The following USP34 variants were observed in gnomAD, a reference collection of about 807,000 sequenced individuals.
USP34 encodes the protein ubiquitin specific peptidase 34.
A neutral mutation model predicts 460.3 loss-of-function variants in USP34; 70 were observed. That is an observed-to-expected ratio of 0.15 (90% CI 0.13 to 0.19). The LOEUF (loss-of-function observed/expected upper bound fraction) is 0.19. USP34 is among the 10% of genes least tolerant of loss of function. The probability of loss-of-function intolerance (pLI) is 1.00; values close to 1 mark genes in which losing one functional copy is unlikely to be tolerated. For missense variants in USP34, 3,985 were observed against 4,236.2 expected (o/e 0.94, Z 1.65); for synonymous variants, 1,647 against 1,405.3 (o/e 1.17, Z -3.85).
Position 61,293,472 on chromosome 2 carries a change from A to G in USP34, c.4540T>C (p.Trp1514Arg), listed in dbSNP as rs1689925011. The G allele has an allele frequency of 6.2e-7, 1 of 1,612,532 alleles. No individual in the cohort carries two copies. Among genetic ancestry groups the G allele is most frequent in the Non-Finnish European group, 8.5e-7 (1 of 1,179,034 alleles). The stretch of plus-strand genomic sequence containing the variant: ...CATAAATATGCACTTACCACAGTCC[A>G]TGATTCCTGCTCTTTAGGCTCTAGA... ...GILEPKEQES[W>R]TVWQLDCLAC... The change falls in exon 33 of 80, where the codon TGG becomes CGG. Residue 1514 changes from tryptophan to arginine, a missense_variant. Coordinates refer to ENST00000398571, the MANE Select transcript of USP34 (RefSeq NM_014709.4).
intron 2 of USP34, among the ~76,000 whole-genome samples, chr2:61,419,442 G>A (rs1386654261): frequency 1.3e-5 from 2 of 152,050 alleles, no homozygotes; most frequent in Non-Finnish European, 2.9e-5. Context: ...CTGCACATAT[G>A]AAAATCTCCT....
intron 49 of USP34, among the ~76,000 whole-genome samples, chr2:61,248,185 CAAAA>C (rs11339335): frequency 8.6e-5 from 6 of 69,568 alleles, no homozygotes; most frequent in South Asian, 4.9e-4. Flanking sequence ...CTCAGAAGAC[CAAAA>C]AAAAAAAAAA....
At chr2:61,328,142 A>T (rs1282847854) in intron 20 of USP34, among the ~76,000 whole-genome samples, 1 of 152,072 alleles carries the variant, frequency 6.6e-6, no homozygotes, top group Non-Finnish European at 1.5e-5. Context: ...GTCTCTACTA[A>T]AAAGCGAAAA....
intron 2 of USP34, among the ~76,000 whole-genome samples, chr2:61,408,950 C>T (rs946715847): frequency 6.6e-6 from 1 of 151,988 alleles, no homozygotes; most frequent in Admixed American, 6.6e-5. Flanking sequence ...GGGGGGTGCG[C>T]TGTCTCAGCC....
chr2:61,192,701 TC>T (rs1686678334), intron 76 of USP34, among the ~76,000 whole-genome samples, 199 bp downstream of exon 76: 2 of 152,344 alleles, frequency 1.3e-5, no homozygotes, highest in Admixed American at 6.5e-5. Flanking sequence ...ATGATAGAAA[TC>T]TACTTAAGTT....
At chr2:61,467,305 A>G (rs1695800926) in intron 1 of USP34, among the ~76,000 whole-genome samples, 2 of 151,992 alleles carry the variant, frequency 1.3e-5, no homozygotes, top group Non-Finnish European at 2.9e-5. Context: ...TCTGTCTCCA[A>G]ATAAAAAATA....
chr2:61,356,176 A>T (rs1422204380), intron 10 of USP34, among the ~76,000 whole-genome samples: 2 of 129,144 alleles, frequency 1.5e-5, no homozygotes, highest in Non-Finnish European at 3.5e-5. Context: ...AGATGAATGA[A>T]TTTAAAAAAA....
At chr2:61,337,792 ACT>A (rs1051586515) in intron 18 of USP34, among the ~76,000 whole-genome samples, 1 of 151,924 alleles carries the variant, frequency 6.6e-6, no homozygotes, top group Non-Finnish European at 1.5e-5. Flanking sequence ...AGCATTCTTG[ACT>A]CTGCCTTTGG....
intron 19 of USP34, among the ~76,000 whole-genome samples, chr2:61,331,803 G>A (rs1691276345): frequency 6.6e-6 from 1 of 151,564 alleles, no homozygotes; most frequent in African/African-American, 2.4e-5. Flanking sequence ...AAAAATCAAA[G>A]AAATACCCAG....
chr2:61,229,055 G>A (rs1454346319), intron 59 of USP34, 60 bp from the exon 60 acceptor site: 2 of 1,301,462 alleles, frequency 1.5e-6, no homozygotes, highest in Admixed American at 5.3e-5. Context: ...CTGTTCGAGA[G>A]AAAAAGTACT....
chr2:61,322,350 A>G (rs1690951497), intron 21 of USP34, among the ~76,000 whole-genome samples: 1 of 152,232 alleles, frequency 6.6e-6, no homozygotes, highest in Admixed American at 6.5e-5. Flanking sequence ...CTAGGGAGTC[A>G]GGCTAATGAG....
chr2:61,288,614 A>C (rs994684273), intron 34 of USP34, 63 bp downstream of exon 34: 4 of 1,522,646 alleles, frequency 2.6e-6, no homozygotes, highest in Non-Finnish European at 3.6e-6. Context: ...AAGCATTAGC[A>C]TATTTCTTCA....
At chr2:61,274,221 C>G (rs995853184) in intron 41 of USP34, among the ~76,000 whole-genome samples, 2 of 151,750 alleles carry the variant, frequency 1.3e-5, no homozygotes, top group Admixed American at 6.6e-5. Context: ...GAAATCCGGT[C>G]TCCACTAAAA....
chr2:61,255,681 A>C (rs1001998658), intron 48 of USP34, among the ~76,000 whole-genome samples: 3 of 152,250 alleles, frequency 2.0e-5, no homozygotes, highest in Admixed American at 1.3e-4. Flanking sequence ...TTCCAAAAAT[A>C]AACAATTCAT....
At chr2:61,289,577 C>T (rs1572903568) in intron 33 of USP34, among the ~76,000 whole-genome samples, 1 of 152,028 alleles carries the variant, frequency 6.6e-6, no homozygotes, top group Admixed American at 6.6e-5. Context: ...TCTCCTGATT[C>T]CACTGCCAAA....
chr2:61,458,537 G>C (rs552179962), intron 1 of USP34, among the ~76,000 whole-genome samples: 8 of 145,130 alleles, frequency 5.5e-5, no homozygotes, highest in African/African-American at 1.8e-4. Flanking sequence ...CTCCAGCCTG[G>C]GCAACAAGAG....
At chr2:61,291,646 C>A (rs1471447274) in intron 33 of USP34, among the ~76,000 whole-genome samples, 3 of 152,110 alleles carry the variant, frequency 2.0e-5, no homozygotes, top group Non-Finnish European at 2.9e-5. Context: ...GAATGGTCAA[C>A]AGACACATGA....
intron 65 of USP34, among the ~76,000 whole-genome samples, chr2:61,222,273 T>C (rs76669540): frequency 1.5e-3 from 227 of 152,362 alleles, no homozygotes; most frequent in Admixed American, 3.5e-3. Flanking sequence ...CACTGCATTC[T>C]ATTTTCTATA....
At position 61,239,197 on chromosome 2, in the gene USP34, A is replaced by G. The variant is rs562749716; in HGVS notation, c.6777+2363T>C. ...TGGAATTAGGCCAATTAACAACCCT[A>G]CAATGGCCTCTCTGTATCCAGTAAA... is the stretch of plus-strand genomic sequence containing the variant. On this transcript the variant is annotated intron_variant, in intron 53 of 79. Transcript: ENST00000398571. Among the ~76,000 whole-genome samples the G allele has an allele frequency of 2.9e-3, 440 of 151,940 alleles. 4 individuals carry two copies. The highest frequency in any genetic ancestry group is 4.3e-3 in the Non-Finnish European group (289 of 67,960).
Sources: allele counts gnomAD v4.1 joint callset (sites outside exome capture counted in the v4.1 genomes callset), GRCh38; gene constraint gnomAD v4.1.1; transcripts MANE v1.5; gene names NCBI Gene and HGNC (gene_info 2026-07-23, HGNC 2026-07-21).